Variants in BAZ1B observed in about 807,000 individuals in gnomAD.
BAZ1B encodes tyrosine-protein kinase BAZ1B.
In BAZ1B, 22 loss-of-function variants were observed where a neutral mutation model predicts 153.8. That is an observed-to-expected ratio of 0.14 (90% CI 0.10 to 0.20). The LOEUF (loss-of-function observed/expected upper bound fraction) is 0.20. Ranked by LOEUF, BAZ1B falls within the 10% of genes least tolerant of loss-of-function variation. The probability of loss-of-function intolerance (pLI) is 1.00; values close to 1 mark genes in which losing one functional copy is unlikely to be tolerated. For synonymous variants in BAZ1B, 676 were observed against 633.4 expected (o/e 1.07, Z -1.01); for missense variants, 1,325 against 1,799.3 (o/e 0.74, Z 4.77).
At chr7:73,498,211 C>T (rs570834934) in intron 4 of BAZ1B, among the ~76,000 whole-genome samples, 1 of 152,266 alleles carries the variant, frequency 6.6e-6, no homozygotes, top group South Asian at 2.1e-4. Flanking sequence ...CCACCCTCCT[C>T]AGCCTCCCAA....
Position 73,492,884 on chromosome 7 carries a change from A to G in BAZ1B, c.609T>C (p.Thr203=). 6.2e-7 allele frequency: 1 copy of G among 1,610,976 alleles called. No individual in the cohort carries two copies. The highest frequency in any genetic ancestry group is 1.8e-4 in the Middle Eastern group (1 of 5,500). The change falls in exon 5 of 20, where the codon ACT becomes ACC. Residue 203 remains threonine, a synonymous_variant. Transcript: ENST00000339594. ...ATTTCCTTTCTCCTTTTTTTAATGA[A>G]GTAGGAAGTTTTCGTGGCGATCTAC... is the stretch of plus-strand genomic sequence containing the variant. ...RARRSPRKLP[T]SLKKGERKWA... is the part of the protein sequence containing the mutation.
In BAZ1B at chr7:73,478,286, T is replaced by C. The variant is rs111879717; in HGVS notation, c.1175A>G (p.Lys392Arg). The C allele has an allele frequency of 6.2e-7, 1 of 1,614,138 alleles. No individual in the cohort carries two copies. The highest frequency in any genetic ancestry group is 8.5e-7 in the Non-Finnish European group (1 of 1,180,052). ...FHIPKKGPPA[K>R]KPGKHSDKPL... ...CTTGTCACTGTGCTTCCCTGGTTTC[T>C]TGGCAGGTGGGCCTTTTTTAGGAAT... The change falls in exon 7 of 20, where the codon AAG (lysine) becomes AGG (arginine). Residue 392 changes from lysine (K) to arginine (R), a missense_variant. Lys to Arg is a conservative substitution (Grantham distance 26). This residue lies in a region of BAZ1B where 219 missense variants were observed against 248.2 expected (regional missense o/e 0.88). Coordinates refer to ENST00000339594, the MANE Select transcript of BAZ1B (RefSeq NM_032408.4).
chr7:73,446,471 G>C (rs1408143703), intron 16 of BAZ1B, among the ~76,000 whole-genome samples: 1 of 150,464 alleles, frequency 6.6e-6, no homozygotes, highest in African/African-American at 2.5e-5. Context: ...TGTATACTCG[G>C]GAGGCTGAGG....
chr7:73,490,607 A>ATT (rs34937645), intron 5 of BAZ1B, among the ~76,000 whole-genome samples: 12 of 142,492 alleles, frequency 8.4e-5, no homozygotes, highest in African/African-American at 2.0e-4. Flanking sequence ...AAAACTAAGC[A>ATT]TTTTTTTTTT....
chr7:73,470,041 G>A (rs1382264121), intron 8 of BAZ1B, among the ~76,000 whole-genome samples: 1 of 151,852 alleles, frequency 6.6e-6, no homozygotes, highest in African/African-American at 2.4e-5. Context: ...TCTCCTTTAG[G>A]TTTCACAAAA....
At chr7:73,510,076 G>A (rs1554578358) in intron 2 of BAZ1B, among the ~76,000 whole-genome samples, 2 of 151,554 alleles carry the variant, frequency 1.3e-5, no homozygotes, top group Admixed American at 6.6e-5. Context: ...ACAGTGGGCC[G>A]AAATCGTGCC....
chr7:73,451,485 A>C (rs1712659119), intron 13 of BAZ1B, among the ~76,000 whole-genome samples: 2 of 152,194 alleles, frequency 1.3e-5, no homozygotes, highest in Non-Finnish European at 2.9e-5. Flanking sequence ...TACAGGTGCC[A>C]AGGAACAAAG....
intron 3 of BAZ1B, 53 bp from the exon 4 acceptor site, chr7:73,498,751 A>C: frequency 2.6e-6 from 4 of 1,513,880 alleles, no homozygotes; most frequent in South Asian, 1.1e-5. Context: ...CAGAAACCTG[A>C]AGATGTTTAG....
intron 4 of BAZ1B, among the ~76,000 whole-genome samples, chr7:73,498,239 C>T (rs1400656074): frequency 2.6e-5 from 4 of 152,152 alleles, no homozygotes; most frequent in Non-Finnish European, 5.9e-5. Context: ...GGATTACAGG[C>T]ATGAGCCACG....
At chr7:73,459,374 G>T (rs1235802468) in intron 13 of BAZ1B, among the ~76,000 whole-genome samples, 162 bp downstream of exon 13, 1 of 150,526 alleles carries the variant, frequency 6.6e-6, no homozygotes, top group Non-Finnish European at 1.5e-5. Flanking sequence ...AACCACAGAA[G>T]GGGTAGAAAG....
intron 9 of BAZ1B, among the ~76,000 whole-genome samples, chr7:73,467,120 A>G (rs1438810978): frequency 1.3e-5 from 2 of 152,016 alleles, no homozygotes; most frequent in Admixed American, 1.3e-4. Flanking sequence ...TTTAGTAGAG[A>G]TGGGGTTTCA....
chr7:73,448,601 G>C (rs1554567295), intron 15 of BAZ1B, among the ~76,000 whole-genome samples: 1 of 152,206 alleles, frequency 6.6e-6, no homozygotes, highest in East Asian at 1.9e-4. Flanking sequence ...TGAAGCCTAA[G>C]GATGCAAGCA....
chr7:73,493,899 G>A (rs1253069453), intron 4 of BAZ1B, among the ~76,000 whole-genome samples: 1 of 151,112 alleles, frequency 6.6e-6, no homozygotes. Context: ...AGAGATTGCA[G>A]ATTGCAAGCA....
intron 1 of BAZ1B, among the ~76,000 whole-genome samples, chr7:73,514,193 T>C (rs1015484649): frequency 4.0e-5 from 6 of 151,394 alleles, no homozygotes; most frequent in African/African-American, 7.3e-5. Context: ...CAACCTAGAG[T>C]TGTTACTTTA....
At chr7:73,460,546 G>A in intron 12 of BAZ1B, among the ~76,000 whole-genome samples, 1 of 152,126 alleles carries the variant, frequency 6.6e-6, no homozygotes, top group East Asian at 1.9e-4. Flanking sequence ...CAGAAGTGCA[G>A]CAATCACAAC....
chr7:73,467,136 T>C (rs2116302994), intron 9 of BAZ1B, among the ~76,000 whole-genome samples: 1 of 152,270 alleles, frequency 6.6e-6, no homozygotes, highest in East Asian at 1.9e-4. Context: ...TTTCACCATG[T>C]TGGCCAGGCT....
At chr7:73,445,174 T>C (rs1170108352) in intron 16 of BAZ1B, among the ~76,000 whole-genome samples, 1 of 152,100 alleles carries the variant, frequency 6.6e-6, no homozygotes, top group African/African-American at 2.4e-5. Flanking sequence ...TCCACCACCT[T>C]CCCTTGGGGA....
intron 7 of BAZ1B, among the ~76,000 whole-genome samples, chr7:73,476,238 G>A (rs1788995040): frequency 6.6e-6 from 1 of 152,128 alleles, no homozygotes; most frequent in African/African-American, 2.4e-5. Flanking sequence ...GGCAATGGTT[G>A]TACATTATCT....
rs1331509167 is a variant in BAZ1B at position 73,447,483 on chromosome 7, C to T, written c.3729-104G>A. 5 of 1,349,510 alleles carry T rather than the reference C, an allele frequency of 3.7e-6. No individual in the cohort carries two copies. In the African/African-American group the frequency reaches 4.4e-5, roughly 12 times the overall value. 83.6% of individuals were successfully genotyped at this position (1,349,510 alleles called of 1,614,324 possible). ...TCAGGAAACTTCTCTTCACAGACTACATATGTATAACGTATGATAATTCAG... is the reference window on the plus strand; with the variant it reads ...TCAGGAAACTTCTCTTCACAGACTATATATGTATAACGTATGATAATTCAG... On this transcript the variant is annotated intron_variant, in intron 15 of 19. Coordinates refer to ENST00000339594, the MANE Select transcript of BAZ1B (RefSeq NM_032408.4).
Sources: gnomAD v4.1 joint callset for allele counts (sites outside exome capture counted in the v4.1 genomes callset) on GRCh38, gnomAD v4.1.1 for gene constraint, gnomAD v4.1.1 regional missense constraint, MANE v1.5 for transcripts, NCBI Gene and HGNC (gene_info 2026-07-23, HGNC 2026-07-21) for gene names.